Variants in WDR59 observed in about 807,000 individuals in gnomAD.
WDR59 encodes the protein GATOR2 complex protein WDR59.
In WDR59, 100 loss-of-function variants were observed where a neutral mutation model predicts 131.2. That is an observed-to-expected ratio of 0.76 (90% confidence interval 0.65 to 0.90). WDR59 has a LOEUF of 0.90. Among genes scored for constraint, WDR59 ranks in the 40% least tolerant of loss-of-function variants. WDR59 has a pLI of 0.00. For synonymous variants in WDR59, 601 were observed against 466.2 expected (o/e 1.29, Z -3.72); for missense variants, 1,203 against 1,262.2 (o/e 0.95, Z 0.71).
chr16:74,956,025 C>T (rs2033272972), intron 3 of WDR59, among the ~76,000 whole-genome samples: 1 of 152,040 alleles, frequency 6.6e-6, no homozygotes, highest in Non-Finnish European at 1.5e-5. Flanking sequence ...TAATGATTCC[C>T]AATCAAGGAA....
chr16:74,945,350 G>A (rs930224016), intron 6 of WDR59, among the ~76,000 whole-genome samples: 13 of 151,626 alleles, frequency 8.6e-5, no homozygotes, highest in African/African-American at 1.5e-4. Context: ...GGTGGCGGGC[G>A]CCTGCAGTCC....
rs148866709 is a variant in WDR59 at position 74,910,535 on chromosome 16, A to G, written c.1390-618T>C. Among the ~76,000 whole-genome samples, 371 of 152,178 alleles carry G rather than the reference A, an allele frequency of 2.4e-3. 2 individuals are homozygous for G. The highest frequency in any genetic ancestry group is 8.5e-3 in the African/African-American group (354 of 41,530). On this transcript the variant is annotated intron_variant, in intron 14 of 25. Transcript: ENST00000262144. ...TGCCCTTTTCCTCACCCCCAACACC[A>G]CTTGCTCCATGAGAAACGTCAGTAC...
rs369565738 is a variant in WDR59, at chr16:74,977,313, T to A, written c.54+7651A>T. Among the ~76,000 whole-genome samples, 6 of 151,954 alleles carry A rather than the reference T, an allele frequency of 3.9e-5. No individual in the cohort carries two copies. The East Asian group carries it at 1.2e-3, about 29-fold the overall frequency. The stretch of plus-strand genomic sequence containing the variant: ...AAAGAATGAAAAGGCAAGCTACAAC[T>A]TGGGAGAATGGATTTACAATATATA... On this transcript the variant is annotated intron_variant, in intron 1 of 25. Coordinates refer to ENST00000262144, the MANE Select transcript of WDR59 (RefSeq NM_030581.4).
In WDR59 at chr16:74,933,376, T is replaced by C. The variant is rs529653213; in HGVS notation, c.651+4774A>G. 3.3e-5 allele frequency among the ~76,000 whole-genome samples: 5 copies of C among 152,318 alleles called. No individual in the cohort carries two copies. In the South Asian group the frequency reaches 1.0e-3, roughly 32 times the overall value. Reference sequence around the variant, plus strand: ...AGCAACTGATCTCTGAGCACATCATTTGTTTAAAACAGTAAAAACTCAGTC... The same window carrying C: ...AGCAACTGATCTCTGAGCACATCATCTGTTTAAAACAGTAAAAACTCAGTC... On this transcript the variant is annotated intron_variant, in intron 8 of 25. Coordinates refer to ENST00000262144, the MANE Select transcript of WDR59 (RefSeq NM_030581.4).
At chr16:74,914,927 T>C (rs1035680445) in intron 13 of WDR59, among the ~76,000 whole-genome samples, 9 of 152,222 alleles carry the variant, frequency 5.9e-5, no homozygotes, top group African/African-American at 1.2e-4. Flanking sequence ...GAGATAGTTA[T>C]GTAACAGCAC....
rs1312799921 is a variant in WDR59, at chr16:74,938,265, T to C, written c.536A>G (p.Lys179Arg). The change falls in exon 8 of 26, where the codon AAA becomes AGA. Residue 179 changes from lysine to arginine, a missense_variant and splice_region_variant. Lys to Arg is a conservative substitution (Grantham distance 26, BLOSUM62 2). Transcript: ENST00000262144. ...TAGATATTCCACTGCTGTACTGGGT[T>C]TCTGCAACAGATCAGCACCTAATAT... ...DGDVRIWDKRKPSTAVEYLAA... is the reference protein window; with the variant it reads ...DGDVRIWDKRRPSTAVEYLAA... The C allele has an allele frequency of 1.3e-6, 2 of 1,524,062 alleles. No homozygotes were observed. Among genetic ancestry groups the C allele is most frequent in the South Asian group, 1.3e-5 (1 of 78,508 alleles). The allele number at this position is 1,524,062 out of a possible 1,614,324, so 94.4% of individuals were successfully genotyped here. A position where few individuals can be genotyped will look rare whatever the true frequency, so the allele number is the denominator to read the frequency against.
In WDR59 at chr16:74,904,020, C is replaced by T. The variant is rs780779761; in HGVS notation, c.1793G>A (p.Arg598His). ...KIRTEAPGNL[R>H]LYSGSPTRSE... ...GCGAGTGGGGCTCCCACTGTATAAA[C>T]GAAGGTTCCCAGGGGCCTCTGTGCG... Residue 598 changes from arginine (R) to histidine (H), a missense_variant, in exon 18 of 26, where the codon CGT (arginine) becomes CAT (histidine). Transcript: ENST00000262144. 493 of 1,612,330 alleles carry T rather than the reference C, an allele frequency of 3.1e-4. No individual in the cohort carries two copies. The highest frequency in any genetic ancestry group is 4.0e-4 in the Non-Finnish European group (470 of 1,179,552).
chr16:74,984,712 A>T, intron 1 of WDR59: 1 of 546,558 alleles, frequency 1.8e-6, no homozygotes, highest in Non-Finnish European at 3.3e-6. Context: ...TCTCTGCCTC[A>T]GTGTCACAAG....
chr16:74,911,937 T>C, intron 14 of WDR59: 1 of 549,172 alleles, frequency 1.8e-6, no homozygotes, highest in Non-Finnish European at 3.2e-6. Flanking sequence ...GCAATCATTG[T>C]GCAGATTTTT....
intron 25 of WDR59, among the ~76,000 whole-genome samples, chr16:74,883,694 T>C (rs890464715): frequency 6.6e-6 from 1 of 152,132 alleles, no homozygotes; most frequent in Non-Finnish European, 1.5e-5. Flanking sequence ...TCTCTCTGCC[T>C]TGCTCTTCCT....
At chr16:74,893,000 G>A (rs1426292767) in intron 19 of WDR59, among the ~76,000 whole-genome samples, 2 of 152,322 alleles carry the variant, frequency 1.3e-5, no homozygotes, top group African/African-American at 4.8e-5. Flanking sequence ...GGAAGAGGCA[G>A]GGGAACTACA....
Position 74,874,257 on chromosome 16 carries a change from C to T in WDR59, c.2877G>A (p.Val959=). Residue 959 remains valine (V), a synonymous_variant, in exon 26 of 26, where the codon GTG becomes GTA. Coordinates refer to ENST00000262144, the MANE Select transcript of WDR59 (RefSeq NM_030581.4). ...HMMEWFRTQE[V]CPTGCGCHCL... is the part of the protein sequence containing the mutation. Reference sequence around the variant, plus strand: ...AGTGGCACCCACACCCGGTGGGACACACCTCCTGGGTCCGAAACCACTCCA... The same window carrying T: ...AGTGGCACCCACACCCGGTGGGACATACCTCCTGGGTCCGAAACCACTCCA... 4.3e-6 allele frequency: 7 copies of T among 1,614,196 alleles called. No individual in the cohort carries two copies. Among genetic ancestry groups the T allele is most frequent in the East Asian group, 2.2e-5 (1 of 44,860 alleles).
At chr16:74,961,681 G>A (rs1002997726) in intron 2 of WDR59, among the ~76,000 whole-genome samples, 4 of 152,106 alleles carry the variant, frequency 2.6e-5, no homozygotes, top group African/African-American at 9.7e-5. Flanking sequence ...TGTAGATTCT[G>A]GATATTAGAC....
At chr16:74,905,306 C>A (rs779092647) in intron 17 of WDR59, among the ~76,000 whole-genome samples, 1 of 151,306 alleles carries the variant, frequency 6.6e-6, no homozygotes, top group Non-Finnish European at 1.5e-5. Flanking sequence ...ACCCGGGAGG[C>A]GGAGGTTGTG....
At chr16:74,974,823 T>C (rs1158318332) in intron 1 of WDR59, among the ~76,000 whole-genome samples, 2 of 152,168 alleles carry the variant, frequency 1.3e-5, no homozygotes, top group Non-Finnish European at 2.9e-5. Context: ...TTGTTCCAGT[T>C]ACACACGAAA....
At chr16:74,940,196 C>A (rs1000576890) in intron 7 of WDR59, among the ~76,000 whole-genome samples, 10 of 151,996 alleles carry the variant, frequency 6.6e-5, no homozygotes, top group Non-Finnish European at 1.2e-4. Context: ...CTGACCAACA[C>A]GGTGAAACCC....
chr16:74,944,228 G>C (rs1405841838), intron 6 of WDR59, among the ~76,000 whole-genome samples: 5 of 152,118 alleles, frequency 3.3e-5, no homozygotes, highest in Admixed American at 2.6e-4. Flanking sequence ...CACTTTGGAA[G>C]GCTGAGACAG....
chr16:74,981,094 G>A (rs1159123876), intron 1 of WDR59, among the ~76,000 whole-genome samples: 10 of 151,802 alleles, frequency 6.6e-5, no homozygotes, highest in Admixed American at 1.3e-4. Context: ...GGCCGGGTGC[G>A]GTGGCTCACG....
intron 9 of WDR59, among the ~76,000 whole-genome samples, chr16:74,923,669 G>C (rs980027664): frequency 2.6e-5 from 4 of 151,916 alleles, no homozygotes; most frequent in Non-Finnish European, 4.4e-5. Context: ...GTAGAGACGG[G>C]GTTTCACCAT....
Sources: gnomAD v4.1 joint callset for allele counts (sites outside exome capture counted in the v4.1 genomes callset) on GRCh38, gnomAD v4.1.1 for gene constraint, MANE v1.5 for transcripts, NCBI Gene and HGNC (gene_info 2026-07-23, HGNC 2026-07-21) for gene names.